The following VAV3 variants were observed in gnomAD, a reference collection of about 807,000 sequenced individuals.
VAV3 encodes vav guanine nucleotide exchange factor 3.
A neutral mutation model predicts 131.2 loss-of-function variants in VAV3; 94 were observed. The ratio of observed to expected loss-of-function variants is 0.72; its 90% CI spans 0.61 to 0.85. VAV3 has a LOEUF of 0.85. VAV3 is among the 40% of genes least tolerant of loss of function. VAV3 has a pLI of 0.00. For synonymous variants in VAV3, 349 were observed against 342.0 expected (o/e 1.02, Z -0.22); for missense variants, 939 against 1,002.7 (o/e 0.94, Z 0.86).
chr1:107,947,374 G>A (rs1674318089), intron 1 of VAV3, among the ~76,000 whole-genome samples: 1 of 136,896 alleles, frequency 7.3e-6, no homozygotes, highest in Non-Finnish European at 1.6e-5. Context: ...CCATAGACAA[G>A]CGAAGTTATA....
intron 15 of VAV3, among the ~76,000 whole-genome samples, chr1:107,733,365 G>C (rs1426959627): frequency 6.6e-6 from 1 of 152,188 alleles, no homozygotes; most frequent in Non-Finnish European, 1.5e-5. Flanking sequence ...GCCAGCAATG[G>C]AACAAAGCTG....
chr1:107,591,701 G>C (rs1169314379), intron 25 of VAV3, among the ~76,000 whole-genome samples: 3 of 152,064 alleles, frequency 2.0e-5, no homozygotes, highest in African/African-American at 7.2e-5. Context: ...GAGAGCAAAA[G>C]GAATTCCCAC....
intron 4 of VAV3, among the ~76,000 whole-genome samples, chr1:107,773,551 C>T (rs1191428873): frequency 1.3e-5 from 2 of 152,076 alleles, no homozygotes; most frequent in African/African-American, 4.8e-5. Flanking sequence ...AGGGCCATAA[C>T]TAACATAAAG....
intron 17 of VAV3, among the ~76,000 whole-genome samples, chr1:107,702,993 C>T (rs2494067): frequency 0.46 from 69,421 of 151,896 alleles, 16,164 homozygotes; most frequent in East Asian, 0.61. Context: ...TAACAAATGG[C>T]GCAAAGCTAG....
intron 2 of VAV3, among the ~76,000 whole-genome samples, chr1:107,793,499 A>G (rs1666396382): frequency 6.6e-6 from 1 of 152,190 alleles, no homozygotes; most frequent in Admixed American, 6.5e-5. Flanking sequence ...TCACTGCAGT[A>G]TCCGCAGCAC....
intron 2 of VAV3, among the ~76,000 whole-genome samples, chr1:107,797,588 T>C (rs901034131): frequency 6.6e-6 from 1 of 152,192 alleles, no homozygotes; most frequent in African/African-American, 2.4e-5. Context: ...TATGCTAGAA[T>C]AAAATTTTAA....
intron 2 of VAV3, among the ~76,000 whole-genome samples, chr1:107,796,375 T>C (rs1217824918): frequency 6.6e-6 from 1 of 152,126 alleles, no homozygotes; most frequent in African/African-American, 2.4e-5. Flanking sequence ...ACCAGTCTCA[T>C]TGGTTATTTT....
At position 107,877,365 on chromosome 1, in the gene VAV3, AG is replaced by A. The variant is rs140417762; in HGVS notation, c.205-2349del. ...TAAGTGCCTGACTCATAGCTCACCA[AG>A]GAACAAAGCATAATTGCACACACCA... On this transcript the variant is annotated intron_variant, in intron 1 of 26. Transcript: ENST00000370056. Among the ~76,000 whole-genome samples the A allele has an allele frequency of 2.8e-3, 422 of 152,294 alleles. 2 individuals carry two copies. The highest frequency in any genetic ancestry group is 1.0e-2 in the African/African-American group (414 of 41,554).
intron 2 of VAV3, among the ~76,000 whole-genome samples, chr1:107,805,932 G>A (rs1429106031): frequency 1.3e-5 from 2 of 152,130 alleles, no homozygotes; most frequent in African/African-American, 4.8e-5. Flanking sequence ...TCCCAAATGA[G>A]GGAGGTCTCA....
At chr1:107,609,314 T>C (rs1536663) in intron 22 of VAV3, 2 of 151,832 alleles carry the variant, frequency 1.3e-5, no homozygotes, top group African/African-American at 4.8e-5. Flanking sequence ...TAATGATACT[T>C]TCAGCCTCCA....
At chr1:107,933,024 T>C (rs867797129) in intron 1 of VAV3, among the ~76,000 whole-genome samples, 1 of 152,204 alleles carries the variant, frequency 6.6e-6, no homozygotes, top group African/African-American at 2.4e-5. Flanking sequence ...AGGAAACTAA[T>C]ACATATCCCA....
intron 1 of VAV3, among the ~76,000 whole-genome samples, chr1:107,951,255 C>T (rs762964558): frequency 6.6e-6 from 1 of 152,162 alleles, no homozygotes; most frequent in African/African-American, 2.4e-5. Flanking sequence ...CTGTCCTCTT[C>T]TTGGTCTCAT....
intron 19 of VAV3, among the ~76,000 whole-genome samples, chr1:107,650,087 C>G (rs917925514): frequency 5.3e-5 from 8 of 151,970 alleles, no homozygotes; most frequent in African/African-American, 1.9e-4. Flanking sequence ...ATGTAACAGG[C>G]AAACTGAGCC....
intron 25 of VAV3, among the ~76,000 whole-genome samples, chr1:107,594,625 G>A (rs1014576301): frequency 6.6e-6 from 1 of 151,962 alleles, no homozygotes; most frequent in Non-Finnish European, 1.5e-5. Context: ...TCCCTTCTTA[G>A]TTGTCAAACA....
chr1:107,687,570 G>C (rs1461116921), intron 18 of VAV3, among the ~76,000 whole-genome samples: 1 of 152,070 alleles, frequency 6.6e-6, no homozygotes, highest in Admixed American at 6.6e-5. Flanking sequence ...GTGGGGAGGG[G>C]CAGTCAGGTA....
chr1:107,836,372 A>C (rs907661440), intron 2 of VAV3, among the ~76,000 whole-genome samples: 4 of 152,244 alleles, frequency 2.6e-5, no homozygotes, highest in African/African-American at 9.6e-5. Flanking sequence ...AAATCTTTGA[A>C]ATTAATGAAA....
intron 1 of VAV3, among the ~76,000 whole-genome samples, chr1:107,949,497 G>A (rs1220009679): frequency 6.6e-6 from 1 of 152,046 alleles, no homozygotes; most frequent in Non-Finnish European, 1.5e-5. Context: ...TAATTGTAGA[G>A]ATAAGCTCTA....
rs759470141 is a variant in VAV3, at chr1:107,772,833, CAAGGG to C, written c.452_456del (p.Thr151SerfsTer4). On this transcript the variant is annotated frameshift_variant, in exon 5 of 27. Coordinates refer to ENST00000370056, the MANE Select transcript of VAV3 (RefSeq NM_006113.5). LOFTEE classifies it high-confidence loss of function. ...TCATAGAGATCTTCTTCATCTTCCACAAGGGTTTCACTACAACAAAGGATATCATA... is the reference window on the plus strand; with the variant it reads ...TCATAGAGATCTTCTTCATCTTCCACTTTCACTACAACAAAGGATATCATA... 1 of 1,613,216 alleles carries C rather than the reference CAAGGG, an allele frequency of 6.2e-7. No individual in the cohort carries two copies. Among genetic ancestry groups the C allele is most frequent in the Non-Finnish European group, 8.5e-7 (1 of 1,179,636 alleles).
intron 1 of VAV3, among the ~76,000 whole-genome samples, chr1:107,924,013 T>C (rs770332021): frequency 1.7e-4 from 26 of 152,294 alleles, no homozygotes; most frequent in Admixed American, 1.4e-3. Context: ...CAGCCTACAG[T>C]ATTTTGTTAT....
Sources: gnomAD v4.1 joint callset for allele counts (sites outside exome capture counted in the v4.1 genomes callset) on GRCh38, gnomAD v4.1.1 for gene constraint, MANE v1.5 for transcripts, NCBI Gene and HGNC (gene_info 2026-07-23, HGNC 2026-07-21) for gene names.